Variants in CIB1 observed in about 807,000 individuals in gnomAD.
CIB1 encodes the protein calcium and integrin binding 1, also known as calcium and integrin-binding protein 1.
In CIB1, 19 loss-of-function variants were observed where a neutral mutation model predicts 25.0. The observed-to-expected ratio is 0.76, with a 90% confidence interval of 0.53 to 1.12. CIB1 has a LOEUF of 1.12. Ranked by LOEUF, CIB1 falls within the 50% of genes most tolerant of loss-of-function variation. The pLI, the probability that CIB1 is intolerant of heterozygous loss-of-function variation, is 0.00. For synonymous variants in CIB1, 104 were observed against 98.5 expected, an observed-to-expected ratio of 1.06 and a Z score of -0.33; for missense variants, 236 against 242.6, an observed-to-expected ratio of 0.97 and a Z score of 0.18.
chr15:90,265,536 T>A, the CIB1 span: 2 of 1,403,148 alleles, frequency 1.4e-6, no homozygotes, highest in South Asian at 2.9e-5. Flanking sequence ...TCTCCACAGT[T>A]ACAGGCAGAA....
chr15:90,261,589 T>G, the CIB1 span, among the ~76,000 whole-genome samples: 5 of 151,812 alleles, frequency 3.3e-5, no homozygotes, highest in East Asian at 9.9e-4. Context: ...GGTCCGGCCT[T>G]GCCAACGTGG....
chr15:90,241,414 TG>T, the CIB1 span: 1 of 1,613,698 alleles, frequency 6.2e-7, no homozygotes, highest in Non-Finnish European at 8.5e-7. Context: ...CACGTGCTGC[TG>T]GTGCCTGAGC....
the CIB1 span, chr15:90,262,123 C>T: frequency 7.2e-5 from 110 of 1,535,884 alleles, no homozygotes; most frequent in East Asian, 2.7e-3. Context: ...AGTATGCCCG[C>T]TTCTTCAAGC....
At chr15:90,256,239 G>T in the CIB1 span, 4 of 1,614,146 alleles carry the variant, frequency 2.5e-6, no homozygotes, top group Non-Finnish European at 3.4e-6. Context: ...TTCATTACCC[G>T]AAATCCCCGG....
chr15:90,232,496 G>T, intron 2 of CIB1, 169 bp from the exon 3 acceptor site: 1 of 1,099,754 alleles, frequency 9.1e-7, no homozygotes, highest in Non-Finnish European at 1.2e-6. Context: ...TCACAAGGCA[G>T]TACAGCCTAG....
the CIB1 span, chr15:90,242,782 C>G: frequency 6.6e-6 from 1 of 152,194 alleles, no homozygotes; most frequent in Non-Finnish European, 1.5e-5. Context: ...GAGTCCCTTT[C>G]CAGAGCACTG....
At chr15:90,265,304 C>T in the CIB1 span, 1 of 1,215,986 alleles carries the variant, frequency 8.2e-7, no homozygotes, top group Non-Finnish European at 1.0e-6. Flanking sequence ...CAATGAGCCC[C>T]TTTCCCAGAG....
the CIB1 span, chr15:90,258,840 G>A: frequency 6.2e-7 from 1 of 1,614,182 alleles, no homozygotes; most frequent in Non-Finnish European, 8.5e-7. Flanking sequence ...AACCTCCGGG[G>A]CTGTGACAAA....
chr15:90,241,365 A>C, the CIB1 span: 1 of 1,614,162 alleles, frequency 6.2e-7, no homozygotes, highest in Admixed American at 1.7e-5. Flanking sequence ...GCAAGAAGAC[A>C]TCCTGGTGGT....
At chr15:90,253,156 G>A in the CIB1 span, 4 of 898,618 alleles carry the variant, frequency 4.5e-6, no homozygotes, top group Non-Finnish European at 7.0e-6. Flanking sequence ...CCTGCCCTCG[G>A]GTCAGGTGTA....
At chr15:90,259,389 C>CA in the CIB1 span, among the ~76,000 whole-genome samples, 811 of 130,742 alleles carry the variant, frequency 6.2e-3, 3 homozygotes, top group African/African-American at 0.02. Context: ...GACCCTGTTT[C>CA]AAAAAAAAAA....
At chr15:90,240,892 T>C in the CIB1 span, 1 of 1,579,272 alleles carries the variant, frequency 6.3e-7, no homozygotes, top group Non-Finnish European at 8.7e-7. Flanking sequence ...CTTTTATGAC[T>C]ATTTCAGGTC....
chr15:90,251,956 C>A, the CIB1 span, among the ~76,000 whole-genome samples: 2 of 151,964 alleles, frequency 1.3e-5, no homozygotes, highest in African/African-American at 4.8e-5. Context: ...CTTAATGCAG[C>A]CTTGAACTCC....
chr15:90,257,792 C>T, the CIB1 span: 1 of 1,477,270 alleles, frequency 6.8e-7, no homozygotes, highest in Non-Finnish European at 9.4e-7. Context: ...CCCATGAAAC[C>T]AAGCTGGCTC....
chr15:90,238,008 A>G (rs1962671542), upstream of CIB1, among the ~76,000 whole-genome samples: 2 of 152,114 alleles, frequency 1.3e-5, no homozygotes, highest in South Asian at 4.1e-4. Context: ...CTTCACTTTT[A>G]AACATTTTTG....
At chr15:90,255,831 A>G in the CIB1 span, 20 of 1,614,106 alleles carry the variant, frequency 1.2e-5, no homozygotes, top group Non-Finnish European at 1.7e-5. Flanking sequence ...CGCATGTACA[A>G]ACTCTATCCC....
At chr15:90,250,978 T>C in the CIB1 span, 105 of 1,500,368 alleles carry the variant, frequency 7.0e-5, no homozygotes, top group African/African-American at 1.4e-3. Flanking sequence ...GGATCTCAGA[T>C]CTTCCCTTTA....
At chr15:90,253,474 T>C in the CIB1 span, 4 of 651,328 alleles carry the variant, frequency 6.1e-6, no homozygotes, top group African/African-American at 3.6e-5. Flanking sequence ...GGCTGTCCCC[T>C]TGTGCAGACA....
chr15:90,234,143 C>G (rs964123639), upstream of CIB1: 1 of 332,222 alleles, frequency 3.0e-6, no homozygotes, highest in African/African-American at 2.4e-5. Context: ...GAGCCCGGGA[C>G]TCACGGCCCC....
Sources: allele counts gnomAD v4.1 joint callset (sites outside exome capture counted in the v4.1 genomes callset), GRCh38; gene constraint gnomAD v4.1.1; transcripts MANE v1.5; gene names NCBI Gene and HGNC (gene_info 2026-07-23, HGNC 2026-07-21).